Variants in ADAM7 observed in about 807,000 individuals in gnomAD.
ADAM7 encodes ADAM metallopeptidase domain 7.
ADAM7 carries 97 observed loss-of-function variants against 102.9 expected under a neutral mutation model. That is an observed-to-expected ratio of 0.94 (90% CI 0.80 to 1.12). The LOEUF (loss-of-function observed/expected upper bound fraction) is 1.12, where lower values mean the gene tolerates loss of function less well. ADAM7 is among the 50% of genes most tolerant of loss of function. The probability of loss-of-function intolerance (pLI) is 0.00; values close to 1 mark genes in which losing one functional copy is unlikely to be tolerated. For synonymous variants in ADAM7, 334 were observed against 304.4 expected (o/e 1.10, Z -1.01); for missense variants, 991 against 908.7 (o/e 1.09, Z -1.16).
At chr8:24,462,901 A>G (rs1819294127) in intron 3 of ADAM7, among the ~76,000 whole-genome samples, 1 of 152,180 alleles carries the variant, frequency 6.6e-6, no homozygotes, top group South Asian at 2.1e-4. Context: ...TAATTGGTAC[A>G]CCAAATTGGG....
At chr8:24,495,282 A>G (rs188880803) in intron 16 of ADAM7, among the ~76,000 whole-genome samples, 2 of 152,318 alleles carry the variant, frequency 1.3e-5, no homozygotes, top group Non-Finnish European at 2.9e-5. Flanking sequence ...ATGACAAAAG[A>G]CAATCTCTAG....
At chr8:24,474,567 T>C (rs1819707574) in intron 7 of ADAM7, among the ~76,000 whole-genome samples, 1 of 152,002 alleles carries the variant, frequency 6.6e-6, no homozygotes, top group African/African-American at 2.4e-5. Flanking sequence ...AGGTTCTGAG[T>C]ATTAATGATA....
intron 20 of ADAM7, among the ~76,000 whole-genome samples, chr8:24,502,351 T>C (rs969509256): frequency 1.3e-5 from 2 of 151,962 alleles, no homozygotes; most frequent in Admixed American, 1.3e-4. Flanking sequence ...CAGCTTTTAC[T>C]TTAAGAAACT....
chr8:24,491,096 G>A (rs763853672), intron 13 of ADAM7, among the ~76,000 whole-genome samples: 1 of 152,128 alleles, frequency 6.6e-6, no homozygotes, highest in Non-Finnish European at 1.5e-5. Flanking sequence ...ACATCAAGTA[G>A]CAATTGGAGG....
chr8:24,490,811 C>G lies in ADAM7; in HGVS notation c.1279C>G (p.Pro427Ala). ...TGGTTATTGCCAGGAGTGTACTAATCCTTGCTGTGATGCACACACATGTGT... is the reference window on the plus strand; with the variant it reads ...TGGTTATTGCCAGGAGTGTACTAATGCTTGCTGTGATGCACACACATGTGT... ...DCGPAQECTN[P>A]CCDAHTCVLK... Residue 427 changes from proline (P) to alanine (A), a missense_variant, in exon 13 of 22, where the codon CCT becomes GCT. Pro to Ala is a conservative substitution (Grantham distance 27). Coordinates refer to ENST00000175238, the MANE Select transcript of ADAM7 (RefSeq NM_003817.4). 3.1e-6 allele frequency: 5 copies of G among 1,613,610 alleles called. No individual in the cohort carries two copies. The highest frequency in any genetic ancestry group is 1.3e-5 in the African/African-American group (1 of 74,984).
Position 24,482,240 on chromosome 8 carries a change from A to AT in ADAM7, c.806dup (p.Leu269PhefsTer12). 6.2e-7 allele frequency: 1 copy of AT among 1,611,288 alleles called. No individual in the cohort carries two copies. The highest frequency in any genetic ancestry group is 1.7e-5 in the Admixed American group (1 of 59,586). On this transcript the variant is annotated frameshift_variant, in exon 9 of 22. Coordinates refer to ENST00000175238, the MANE Select transcript of ADAM7 (RefSeq NM_003817.4). LOFTEE classifies it high-confidence loss of function. ...TATATTCAAATATAGAAACTACCTT[A>AT]TTGCGTTTTTCATTTTGGCAAGAAA...
chr8:24,442,191 A>G (rs1226367712), intron 1 of ADAM7, among the ~76,000 whole-genome samples: 3 of 152,146 alleles, frequency 2.0e-5, no homozygotes, highest in African/African-American at 7.2e-5. Flanking sequence ...TAAATAAATG[A>G]AACAAAAAAT....
chr8:24,478,586 G>A (rs1819846824), intron 8 of ADAM7, among the ~76,000 whole-genome samples: 1 of 152,058 alleles, frequency 6.6e-6, no homozygotes, highest in Non-Finnish European at 1.5e-5. Flanking sequence ...TCCACAGTGT[G>A]TTACTGTCCA....
chr8:24,451,400 T>A (rs566377099), intron 3 of ADAM7, among the ~76,000 whole-genome samples: 2 of 152,374 alleles, frequency 1.3e-5, no homozygotes. Flanking sequence ...GTCAAGGAAT[T>A]TACCCATTTC....
chr8:24,452,454 C>T (rs1189050974), intron 3 of ADAM7, among the ~76,000 whole-genome samples: 2 of 150,176 alleles, frequency 1.3e-5, no homozygotes, highest in East Asian at 3.9e-4. Context: ...TCTGTTTTAT[C>T]AGAGACTAGG....
At position 24,491,114 on chromosome 8, in the gene ADAM7, G is replaced by A. The variant is rs114949632; in HGVS notation, c.1356+226G>A. On this transcript the variant is annotated intron_variant, in intron 13 of 21. Coordinates refer to ENST00000175238, the MANE Select transcript of ADAM7 (RefSeq NM_003817.4). ...TCAAGTAGCAATTGGAGGTTTAGGAGGGAAGTCACATGACCAGCTCTATTC... is the reference window on the plus strand; with the variant it reads ...TCAAGTAGCAATTGGAGGTTTAGGAAGGAAGTCACATGACCAGCTCTATTC... Among the ~76,000 whole-genome samples, 271 of 152,214 alleles carry A rather than the reference G, an allele frequency of 1.8e-3. 2 individuals carry two copies. Among genetic ancestry groups the A allele is most frequent in the African/African-American group, 6.1e-3 (255 of 41,542 alleles).
chr8:24,442,446 A>G (rs941516905), intron 1 of ADAM7, 27 bp from the exon 2 acceptor site: 14 of 1,507,536 alleles, frequency 9.3e-6, no homozygotes, highest in Non-Finnish European at 1.3e-5. Flanking sequence ...TGTCAGACGG[A>G]TTTTTTCCTC....
At chr8:24,482,093 CTG>C (rs1819971489) in intron 8 of ADAM7, 47 bp from the exon 9 acceptor site, 1 of 1,367,984 alleles carries the variant, frequency 7.3e-7, no homozygotes, top group African/African-American at 1.5e-5. Context: ...ATATTGAAGA[CTG>C]TTTCCAGCAA....
intron 20 of ADAM7, among the ~76,000 whole-genome samples, chr8:24,503,876 GGGGATGGGGAACAAGGGGA>G (rs1379249005): frequency 2.0e-5 from 3 of 151,858 alleles, no homozygotes; most frequent in Non-Finnish European, 2.9e-5. Context: ...AGGCCTGTCG[GGGGATGGGGAACAAGGGGA>G]GGGATAGCAT....
At chr8:24,499,609 A>C (rs1381872150) in intron 17 of ADAM7, among the ~76,000 whole-genome samples, 1 of 152,128 alleles carries the variant, frequency 6.6e-6, no homozygotes. Flanking sequence ...TCTGATGTTT[A>C]AAGTTGAATC....
Position 24,461,346 on chromosome 8 carries a change from G to A in ADAM7, c.234-2536G>A, listed in dbSNP as rs536452458. The stretch of plus-strand genomic sequence containing the variant: ...TGACTGATGATGTTCTCCTCTTCTG[G>A]CTCACATAGTCTCTAATGGAATGTT... On this transcript the variant is annotated intron_variant, in intron 3 of 21. Transcript: ENST00000175238. Among the ~76,000 whole-genome samples, 17 of 149,464 alleles carry A rather than the reference G, an allele frequency of 1.1e-4. No individual in the cohort carries two copies. The East Asian group carries it at 3.3e-3, about 29-fold the overall frequency.
intron 3 of ADAM7, among the ~76,000 whole-genome samples, chr8:24,454,704 C>G (rs747649761): frequency 7.8e-4 from 119 of 152,216 alleles, no homozygotes; most frequent in Non-Finnish European, 1.3e-3. Flanking sequence ...GAGATGAACC[C>G]GGTACCTCAG....
intron 3 of ADAM7, among the ~76,000 whole-genome samples, chr8:24,462,992 C>A (rs937940006): frequency 1.3e-5 from 2 of 152,034 alleles, no homozygotes; most frequent in Non-Finnish European, 2.9e-5. Context: ...ACAGCAGCAA[C>A]AGTAACAAAA....
chr8:24,500,157 T>C, intron 17 of ADAM7, 21 bp from the exon 18 acceptor site: 2 of 1,596,824 alleles, frequency 1.3e-6, no homozygotes, highest in Non-Finnish European at 1.7e-6. Flanking sequence ...TTTGAGAATA[T>C]ATCATTGACT....
Sources: allele counts gnomAD v4.1 joint callset (sites outside exome capture counted in the v4.1 genomes callset), GRCh38; gene constraint gnomAD v4.1.1; transcripts MANE v1.5; gene names NCBI Gene and HGNC (gene_info 2026-07-23, HGNC 2026-07-21).